Variants in NOM1 observed in about 807,000 individuals in gnomAD.
NOM1 encodes nucleolar MIF4G domain-containing protein 1.
Under a neutral mutation model 73.3 loss-of-function variants are expected in NOM1, and 58 were observed. The ratio of observed to expected loss-of-function variants is 0.79; its 90% CI spans 0.64 to 0.99. The LOEUF is 0.99. NOM1 is among the 50% of genes least tolerant of loss of function. The probability of loss-of-function intolerance (pLI) is 0.00; values close to 1 mark genes in which losing one functional copy is unlikely to be tolerated. For missense variants in NOM1, 1,226 were observed against 1,131.9 expected, an observed-to-expected ratio of 1.08 and a Z score of -1.19; for synonymous variants, 487 against 446.8, an observed-to-expected ratio of 1.09 and a Z score of -1.14.
chr7:156,954,117 A>G lies in NOM1; in HGVS notation c.1127A>G (p.Asn376Ser). 3 of 1,610,998 alleles carry G rather than the reference A, an allele frequency of 1.9e-6. No homozygotes were observed. The highest frequency in any genetic ancestry group is 1.1e-5 in the South Asian group (1 of 90,262). Residue 376 changes from asparagine to serine, a missense_variant, in exon 3 of 11, where the codon AAC becomes AGC. Coordinates refer to ENST00000275820, the MANE Select transcript of NOM1 (RefSeq NM_138400.2). ...KGLLNRLSEP[N>S]MASISGQLEE... ...ATTCTCTGCAGGTTGAGTGAACCCA[A>G]CATGGCTTCCATCAGTGGGCAGCTG...
intron 3 of NOM1, among the ~76,000 whole-genome samples, chr7:156,954,662 A>T (rs1226834966): frequency 6.6e-6 from 1 of 151,166 alleles, no homozygotes; most frequent in African/African-American, 2.4e-5. Context: ...GCACACCACC[A>T]GGCCTGGCTA....
intron 9 of NOM1, among the ~76,000 whole-genome samples, chr7:156,967,673 T>A (rs915810264): frequency 4.6e-5 from 7 of 152,172 alleles, no homozygotes; most frequent in Non-Finnish European, 8.8e-5. Context: ...TACAGGCTCA[T>A]GCCACCACGC....
chr7:156,966,844 AT>A, intron 8 of NOM1, 116 bp from the exon 9 acceptor site: 1 of 1,117,854 alleles, frequency 8.9e-7, no homozygotes. Context: ...AAAAGTCTTG[AT>A]GTTTAGAATA....
rs1407894992 is a variant in NOM1 at position 156,970,339 on chromosome 7, G to A, written c.*636G>A. ...ATAAAACAGGCCACTAGAGGGTGCAGTTATAAAGAAATTGATGAGGTTTTT... is the reference window on the plus strand; with the variant it reads ...ATAAAACAGGCCACTAGAGGGTGCAATTATAAAGAAATTGATGAGGTTTTT... On this transcript the variant is annotated 3_prime_UTR_variant, in exon 11 of 11. Coordinates refer to ENST00000275820, the MANE Select transcript of NOM1 (RefSeq NM_138400.2). 1.3e-5 allele frequency: 2 copies of A among 151,952 alleles called. No homozygotes were observed. Among genetic ancestry groups the A allele is most frequent in the African/African-American group, 4.8e-5 (2 of 41,370 alleles). The allele number at this position is 151,952 out of a possible 1,614,324, so 9.4% of individuals were successfully genotyped here.
chr7:156,957,685 G>A (rs1048584305), intron 3 of NOM1, among the ~76,000 whole-genome samples: 1 of 150,610 alleles, frequency 6.6e-6, no homozygotes, highest in African/African-American at 2.5e-5. Context: ...TGAGGCAGGA[G>A]GATGGCGTGA....
At chr7:156,962,025 G>A in intron 4 of NOM1, 126 bp from the exon 5 acceptor site, 3 of 745,014 alleles carry the variant, frequency 4.0e-6, no homozygotes, top group Non-Finnish European at 4.8e-6. Context: ...CCTAAAGGCT[G>A]TCCTGACTTT....
chr7:156,950,407 G>A lies in NOM1; in HGVS notation c.670G>A (p.Glu224Lys). The A allele has an allele frequency of 6.2e-7, 1 of 1,614,264 alleles. No individual in the cohort carries two copies. Among genetic ancestry groups the A allele is most frequent in the Non-Finnish European group, 8.5e-7 (1 of 1,180,050 alleles). Residue 224 changes from glutamate (E) to lysine (K), a missense_variant, in exon 1 of 11, where the codon GAG becomes AAG. Coordinates refer to ENST00000275820, the MANE Select transcript of NOM1 (RefSeq NM_138400.2). ...DGLDYILGAL[E>K]SGKNSGLYDS... ...TCTTGACTATATTCTGGGAGCCCTG[G>A]AGTCTGGGAAAAATAGCGGCTTGTA...
chr7:156,955,624 T>A (rs1369001420), intron 3 of NOM1, among the ~76,000 whole-genome samples: 1 of 152,158 alleles, frequency 6.6e-6, no homozygotes, highest in Non-Finnish European at 1.5e-5. Context: ...TCACCTTTAA[T>A]CCTAAAGTGT....
chr7:156,962,374 TGA>T, intron 5 of NOM1, 113 bp downstream of exon 5: 1 of 869,190 alleles, frequency 1.2e-6, no homozygotes, highest in Non-Finnish European at 1.9e-6. Flanking sequence ...GTCTGGTGAG[TGA>T]GAGTGCTCAG....
rs747976015 is a variant in NOM1 at position 156,950,795 on chromosome 7, G to A, written c.987+71G>A. On this transcript the variant is annotated intron_variant, in intron 1 of 10. Transcript: ENST00000275820. ...TAACGGGACAGGGAATGGGGCGTGA[G>A]GCAGAAATGACACAGACTTGGTGTC... 54 of 1,366,850 alleles carry A rather than the reference G, an allele frequency of 4.0e-5. No homozygotes were observed. The East Asian group carries it at 5.0e-4, about 13-fold the overall frequency. 84.7% of individuals were successfully genotyped at this position (1,366,850 alleles called of 1,614,324 possible).
At chr7:156,956,424 C>T (rs550984150) in intron 3 of NOM1, among the ~76,000 whole-genome samples, 1 of 152,168 alleles carries the variant, frequency 6.6e-6, no homozygotes, top group Non-Finnish European at 1.5e-5. Flanking sequence ...AGAGCTGGCC[C>T]ACAATAAGCG....
chr7:156,968,467 G>A (rs1025679907), intron 9 of NOM1, among the ~76,000 whole-genome samples: 3 of 152,028 alleles, frequency 2.0e-5, no homozygotes, highest in African/African-American at 4.8e-5. Context: ...TAGCATTCCC[G>A]TCACCATGCG....
At position 156,960,024 on chromosome 7, in the gene NOM1, C is replaced by T; in HGVS notation, c.1482C>T (p.Phe494=). The change falls in exon 4 of 11, where the codon TTC becomes TTT. Residue 494 remains phenylalanine (F), a synonymous_variant. Transcript: ENST00000275820. The part of the protein sequence containing the change: ...FDILKKLIGT[F]TEKDIELILL... ...TTTTGAAAAAACTGATTGGAACTTTCACCGAAAAAGATATTGAACTGATCT... is the reference window on the plus strand; with the variant it reads ...TTTTGAAAAAACTGATTGGAACTTTTACCGAAAAAGATATTGAACTGATCT... 3 of 1,614,134 alleles carry T rather than the reference C, an allele frequency of 1.9e-6. No individual in the cohort carries two copies. The highest frequency in any genetic ancestry group is 2.2e-5 in the South Asian group (2 of 91,076).
chr7:156,965,262 A>G (rs971425635), intron 7 of NOM1, among the ~76,000 whole-genome samples: 1 of 152,244 alleles, frequency 6.6e-6, no homozygotes, highest in Admixed American at 6.5e-5. Context: ...AGCAGCCCAC[A>G]TACCCCTCAG....
Position 156,973,057 on chromosome 7 carries a change from G to A in NOM1, c.*3354G>A, listed in dbSNP as rs1448381829. On this transcript the variant is annotated 3_prime_UTR_variant, in exon 11 of 11. Coordinates refer to ENST00000275820, the MANE Select transcript of NOM1 (RefSeq NM_138400.2). ...ACTTGTGGACTTTACAATGCAGGTT[G>A]AGAACTGCTAATGTATAGAATGACT... is the stretch of plus-strand genomic sequence containing the variant. The A allele has an allele frequency of 1.3e-5, 2 of 152,100 alleles. No homozygotes were observed. The highest frequency in any genetic ancestry group is 2.9e-5 in the Non-Finnish European group (2 of 68,022). The allele number at this position is 152,100 out of a possible 1,614,324, so 9.4% of individuals were successfully genotyped here.
chr7:156,950,332 A>C lies in NOM1; in HGVS notation c.595A>C (p.Lys199Gln). The change falls in exon 1 of 11, where the codon AAA becomes CAA. Residue 199 changes from lysine (K) to glutamine (Q), a missense_variant. Physicochemically the swap from Lys to Gln is moderately conservative, Grantham distance 53. Transcript: ENST00000275820. Reference sequence around the variant, plus strand: ...GCGTTGCCTCGGTTTGAACAAGCGCAAAAAGAAGGACGGCAGCAGCTCCGT... The same window carrying C: ...GCGTTGCCTCGGTTTGAACAAGCGCCAAAAGAAGGACGGCAGCAGCTCCGT... Reference protein sequence around the residue: ...LERCLGLNKRKKKDGSSSVPL... With the variant: ...LERCLGLNKRQKKDGSSSVPL... 6.2e-7 allele frequency: 1 copy of C among 1,613,774 alleles called. No individual in the cohort carries two copies. The highest frequency in any genetic ancestry group is 8.5e-7 in the Non-Finnish European group (1 of 1,179,910).
intron 8 of NOM1, among the ~76,000 whole-genome samples, chr7:156,966,615 C>T (rs1225486396): frequency 6.6e-6 from 1 of 152,176 alleles, no homozygotes; most frequent in Non-Finnish European, 1.5e-5. Context: ...CCTCATGTCA[C>T]CTGCTTCTGC....
At chr7:156,962,597 T>C (rs764014182) in intron 5 of NOM1, among the ~76,000 whole-genome samples, 7 of 152,230 alleles carry the variant, frequency 4.6e-5, no homozygotes, top group Admixed American at 6.5e-5. Context: ...TGGGATGACG[T>C]AGGTCCTTTG....
chr7:156,966,990 A>G lies in NOM1; in HGVS notation c.2196A>G (p.Lys732=), dbSNP rs1805014444. Residue 732 remains lysine (K), a synonymous_variant, in exon 9 of 11, where the codon AAA becomes AAG. Coordinates refer to ENST00000275820, the MANE Select transcript of NOM1 (RefSeq NM_138400.2). ...CTTTCCAGTTCAGCATATGGGACAA[A>G]TTTCGGGACTTGGAAAACTTGCCAG... ...QMTFQFSIWD[K]FRDLENLPAT... 2 of 1,613,692 alleles carry G rather than the reference A, an allele frequency of 1.2e-6. No homozygotes were observed. Among genetic ancestry groups the G allele is most frequent in the Non-Finnish European group, 1.7e-6 (2 of 1,179,970 alleles).
Sources: gnomAD v4.1 joint callset for allele counts (sites outside exome capture counted in the v4.1 genomes callset) on GRCh38, gnomAD v4.1.1 for gene constraint, MANE v1.5 for transcripts, NCBI Gene and HGNC (gene_info 2026-07-23, HGNC 2026-07-21) for gene names.